Variants in FAM131A observed in about 807,000 individuals in gnomAD.
FAM131A encodes protein FAM131A.
FAM131A carries 24 observed loss-of-function variants against 39.2 expected under a neutral mutation model. That is an observed-to-expected ratio of 0.61 (90% confidence interval 0.44 to 0.86). The LOEUF (loss-of-function observed/expected upper bound fraction) is 0.86. Among genes scored for constraint, FAM131A ranks in the 40% least tolerant of loss-of-function variants. The pLI is 0.00. For missense variants in FAM131A, 373 were observed against 481.2 expected, an observed-to-expected ratio of 0.78 and a Z score of 2.10; for synonymous variants, 202 against 206.8, an observed-to-expected ratio of 0.98 and a Z score of 0.20.
At position 184,342,131 on chromosome 3, in the gene FAM131A, C is replaced by G; in HGVS notation, c.391C>G (p.His131Asp). ...CGCCATGGCCCAGGGCCGAGTGGCT[C>G]ACCTCATTGAGTGGAAGGGCTGGAG... The part of the protein sequence containing the change: ...PTAMAQGRVA[H>D]LIEWKGWSKP... The change falls in exon 4 of 6, where the codon CAC becomes GAC. Residue 131 changes from histidine (H) to aspartate (D), a missense_variant. Transcript: ENST00000383847. The surrounding 1 kb of genome is among the most constrained non-coding windows in gnomAD (Gnocchi z 4.6). 1 of 1,614,228 alleles carries G rather than the reference C, an allele frequency of 6.2e-7. No individual in the cohort carries two copies. The highest frequency in any genetic ancestry group is 8.5e-7 in the Non-Finnish European group (1 of 1,180,048).
Position 184,342,133 on chromosome 3 carries a change from C to T in FAM131A, c.393C>T (p.His131=), listed in dbSNP as rs770553700. ...PTAMAQGRVA[H]LIEWKGWSKP... ...CCATGGCCCAGGGCCGAGTGGCTCA[C>T]CTCATTGAGTGGAAGGGCTGGAGCA... Residue 131 remains histidine (H), a synonymous_variant, in exon 4 of 6, where the codon CAC becomes CAT. Transcript: ENST00000383847. This position sits in a 1 kb window ranked among gnomAD's most constrained non-coding sequence, Gnocchi z 4.6. 1 of 1,614,224 alleles carries T rather than the reference C, an allele frequency of 6.2e-7. No homozygotes were observed. Among genetic ancestry groups the T allele is most frequent in the East Asian group, 2.2e-5 (1 of 44,888 alleles).
At position 184,344,723 on chromosome 3, in the gene FAM131A, T is replaced by C. The variant is rs1352996316; in HGVS notation, c.854T>C (p.Leu285Pro). The change falls in exon 6 of 6, where the codon CTG becomes CCG. Residue 285 changes from leucine (L) to proline (P), a missense_variant. Around this residue, in one of 2 missense-constraint regions of FAM131A, gnomAD observed 152 missense variants for 133.5 expected, o/e 1.14. Coordinates refer to ENST00000383847, the MANE Select transcript of FAM131A (RefSeq NM_144635.5). ...GGCGATGAGCTGCTTCTCGCCAAAC[T>C]GCCCCCCAGCCGGGAAAGTGCCTTC... ...LLGDELLLAK[L>P]PPSRESAFRS... The C allele has an allele frequency of 6.2e-7, 1 of 1,612,390 alleles. No individual in the cohort carries two copies. Among genetic ancestry groups the C allele is most frequent in the Non-Finnish European group, 8.5e-7 (1 of 1,179,972 alleles).
chr3:184,340,584 C>G (rs1318760889), intron 2 of FAM131A: 3 of 152,100 alleles, frequency 2.0e-5, no homozygotes, highest in African/African-American at 7.3e-5. Flanking sequence ...CTCGGCCTCC[C>G]AAAGTGCTGG....
intron 2 of FAM131A, 190 bp from the exon 3 acceptor site, chr3:184,341,534 G>A (rs1298198274): frequency 1.7e-6 from 1 of 603,614 alleles, no homozygotes; most frequent in African/African-American, 1.9e-5. Flanking sequence ...AATCTCCATT[G>A]CTTTCTGGGA....
At position 184,345,284 on chromosome 3, in the gene FAM131A, T is replaced by A. The variant is rs1727589010; in HGVS notation, c.*314T>A. Reference sequence around the variant, plus strand: ...GCCACACACACATTTCCTCCTCGGATAATGTGAACCACTAAGGGGGTTGTG... The same window carrying A: ...GCCACACACACATTTCCTCCTCGGAAAATGTGAACCACTAAGGGGGTTGTG... On this transcript the variant is annotated 3_prime_UTR_variant, in exon 6 of 6. Transcript: ENST00000383847. 7.0e-6 allele frequency: 4 copies of A among 569,350 alleles called. No homozygotes were observed. Among genetic ancestry groups the A allele is most frequent in the Non-Finnish European group, 9.2e-6 (3 of 325,408 alleles). The allele number at this position is 569,350 out of a possible 1,614,324, so 35.3% of individuals were successfully genotyped here.
rs1164536998 is a variant in FAM131A, at chr3:184,345,315, G to T, written c.*345G>T. The T allele has an allele frequency of 6.8e-6, 4 of 588,244 alleles. No homozygotes were observed. Among genetic ancestry groups the T allele is most frequent in the Non-Finnish European group, 9.0e-6 (3 of 333,946 alleles). The allele number at this position is 588,244 out of a possible 1,614,324, so 36.4% of individuals were successfully genotyped here. A position where few individuals can be genotyped will look rare whatever the true frequency, so the allele number is the denominator to read the frequency against. On this transcript the variant is annotated 3_prime_UTR_variant, in exon 6 of 6. Coordinates refer to ENST00000383847, the MANE Select transcript of FAM131A (RefSeq NM_144635.5). ...GAACCACTAAGGGGGTTGTGACTGG[G>T]CTGTGTGAGGGTGGGGTGGGAGGGG...
At chr3:184,339,955 T>G (rs1727300436) in intron 2 of FAM131A, 1 of 152,352 alleles carries the variant, frequency 6.6e-6, no homozygotes, top group Non-Finnish European at 1.5e-5. Context: ...GAAAACTGTT[T>G]ACATTATATC....
At chr3:184,338,635 C>A (rs1431223722) in intron 2 of FAM131A, 106 bp downstream of exon 2, 4 of 1,428,888 alleles carry the variant, frequency 2.8e-6, no homozygotes, top group Non-Finnish European at 9.3e-7. Context: ...CCTTTTCCGG[C>A]GGGCGGAGGC....
chr3:184,341,910 G>A (rs1304520956), intron 3 of FAM131A, 93 bp downstream of exon 3: 1 of 1,516,672 alleles, frequency 6.6e-7, no homozygotes, highest in Non-Finnish European at 9.2e-7. Flanking sequence ...TACATGCTGG[G>A]GTCTCCCCTT....
rs558182370 is a variant in FAM131A at position 184,345,512 on chromosome 3, G to T, written c.*542G>T. ...CAAGGGCCCCTGCCCAGCTGGGCTC[G>T]TGCTGTGCTTCATTCACCTCTCCAT... On this transcript the variant is annotated 3_prime_UTR_variant, in exon 6 of 6. Coordinates refer to ENST00000383847, the MANE Select transcript of FAM131A (RefSeq NM_144635.5). The T allele has an allele frequency of 8.5e-6, 6 of 702,942 alleles. No individual in the cohort carries two copies. Among genetic ancestry groups the T allele is most frequent in the Non-Finnish European group, 1.3e-5 (5 of 385,010 alleles). 43.5% of individuals were successfully genotyped at this position (702,942 alleles called of 1,614,324 possible). A position where few individuals can be genotyped will look rare whatever the true frequency, so the allele number is the denominator to read the frequency against.
chr3:184,341,946 G>GC lies in FAM131A; in HGVS notation c.326-116dup, dbSNP rs761753813. Reference sequence around the variant, plus strand: ...TCTTCCCTTGCTCAGGTGAATCTCAGCCCCTTCTCCCACCCAAAGGTTCAC... The same window carrying GC: ...TCTTCCCTTGCTCAGGTGAATCTCAGCCCCCTTCTCCCACCCAAAGGTTCAC... On this transcript the variant is annotated intron_variant, in intron 3 of 5. Transcript: ENST00000383847. 2.7e-6 allele frequency: 4 copies of GC among 1,500,308 alleles called. No homozygotes were observed. The African/African-American group carries it at 4.1e-5, about 16-fold the overall frequency. The allele number at this position is 1,500,308 out of a possible 1,614,324, so 92.9% of individuals were successfully genotyped here.
chr3:184,345,355 C>G lies in FAM131A; in HGVS notation c.*385C>G, dbSNP rs915983564. 7 of 600,948 alleles carry G rather than the reference C, an allele frequency of 1.2e-5. No individual in the cohort carries two copies. The highest frequency in any genetic ancestry group is 3.7e-5 in the African/African-American group (2 of 53,634). 37.2% of individuals were successfully genotyped at this position (600,948 alleles called of 1,614,324 possible). On this transcript the variant is annotated 3_prime_UTR_variant, in exon 6 of 6. Coordinates refer to ENST00000383847, the MANE Select transcript of FAM131A (RefSeq NM_144635.5). ...GGTGGGAGGGGGCCCAGCAACCCCC[C>G]ACCCTCCCCATGCCTCTCTCTTCTC...
chr3:184,342,685 C>G lies in FAM131A; in HGVS notation c.509-59C>G. On this transcript the variant is annotated intron_variant, in intron 4 of 5. Transcript: ENST00000383847. This position sits in a 1 kb window ranked among gnomAD's most constrained non-coding sequence, Gnocchi z 4.6. The stretch of plus-strand genomic sequence containing the variant: ...CCCTGTTTCTCCTCTCTCCTGTCTT[C>G]AAGCTGAGCCCTAGACTTAGCTCAC... 6.8e-7 allele frequency: 1 copy of G among 1,474,994 alleles called. No homozygotes were observed. Among genetic ancestry groups the G allele is most frequent in the Non-Finnish European group, 9.4e-7 (1 of 1,062,480 alleles). The allele number at this position is 1,474,994 out of a possible 1,614,324, so 91.4% of individuals were successfully genotyped here.
Position 184,345,416 on chromosome 3 carries a change from C to G in FAM131A, c.*446C>G. Reference sequence around the variant, plus strand: ...CTCACTTCCGAGTCCATGTGCAGTGCTTGATAGAATCACCCCCACCTGGAG... The same window carrying G: ...CTCACTTCCGAGTCCATGTGCAGTGGTTGATAGAATCACCCCCACCTGGAG... On this transcript the variant is annotated 3_prime_UTR_variant, in exon 6 of 6. Transcript: ENST00000383847. 1 of 668,516 alleles carries G rather than the reference C, an allele frequency of 1.5e-6. No homozygotes were observed. The highest frequency in any genetic ancestry group is 2.7e-6 in the Non-Finnish European group (1 of 373,836). The allele number at this position is 668,516 out of a possible 1,614,324, so 41.4% of individuals were successfully genotyped here. A position where few individuals can be genotyped will look rare whatever the true frequency, so the allele number is the denominator to read the frequency against.
Position 184,345,079 on chromosome 3 carries a change from G to C in FAM131A, c.*109G>C. The C allele has an allele frequency of 1.8e-6, 2 of 1,081,734 alleles. No individual in the cohort carries two copies. The highest frequency in any genetic ancestry group is 2.6e-6 in the Non-Finnish European group (2 of 778,404). The allele number at this position is 1,081,734 out of a possible 1,614,324, so 67.0% of individuals were successfully genotyped here. A position where few individuals can be genotyped will look rare whatever the true frequency, so the allele number is the denominator to read the frequency against. ...CCCAGCAGAGCTCCACAGCCTAGAG[G>C]GCTCCTGGGAGCGCTCGCTTCTCCG... On this transcript the variant is annotated 3_prime_UTR_variant, in exon 6 of 6. Transcript: ENST00000383847.
chr3:184,338,396 A>G lies in FAM131A; in HGVS notation c.98A>G (p.Asp33Gly). ...TCQTSRRVSS[D>G]PAWAVEWIEL... ...TTCCCCTTCCTCTCAGTGTCCTCGG[A>G]CCCCGCTTGGGCTGTGGAGTGGATC... The change falls in exon 2 of 6, where the codon GAC becomes GGC. Residue 33 changes from aspartate to glycine, a missense_variant. This residue lies in a region of FAM131A where 221 missense variants were observed against 347.7 expected (regional missense o/e 0.64). Transcript: ENST00000383847. 2.1e-6 allele frequency: 3 copies of G among 1,447,492 alleles called. No homozygotes were observed. Among genetic ancestry groups the G allele is most frequent in the South Asian group, 2.8e-5 (2 of 70,188 alleles). The allele number at this position is 1,447,492 out of a possible 1,614,324, so 89.7% of individuals were successfully genotyped here.
chr3:184,337,550 C>A, upstream of FAM131A: 12 of 1,356,840 alleles, frequency 8.8e-6, no homozygotes, highest in South Asian at 6.3e-5. Flanking sequence ...GCTCAGCATC[C>A]GGAGCCAAAA....
chr3:184,338,792 T>G, intron 2 of FAM131A: 3 of 436,252 alleles, frequency 6.9e-6, no homozygotes, highest in Non-Finnish European at 8.2e-6. Flanking sequence ...TGGTGATGGG[T>G]TGCCAGGGAG....
At position 184,344,640 on chromosome 3, in the gene FAM131A, G is replaced by T. The variant is rs1440789973; in HGVS notation, c.771G>T (p.Leu257=). ...TVSPDTLCSS[L]CSLEDGLLGS... Reference sequence around the variant, plus strand: ...CCCCAGACACCCTGTGCTCTAGTCTGTGCAGCCTGGAGGATGGGTTGTTGG... The same window carrying T: ...CCCCAGACACCCTGTGCTCTAGTCTTTGCAGCCTGGAGGATGGGTTGTTGG... Residue 257 remains leucine (L), a synonymous_variant, in exon 6 of 6, where the codon CTG becomes CTT. Transcript: ENST00000383847. 1.2e-6 allele frequency: 2 copies of T among 1,612,920 alleles called. No individual in the cohort carries two copies. Among genetic ancestry groups the T allele is most frequent in the South Asian group, 2.2e-5 (2 of 91,068 alleles).
Sources: gnomAD v4.1 joint callset for allele counts on GRCh38, gnomAD v4.1.1 for gene constraint, gnomAD v4.1.1 regional missense constraint, Gnocchi (gnomAD v3.1) non-coding constraint, MANE v1.5 for transcripts, NCBI Gene and HGNC (gene_info 2026-07-23, HGNC 2026-07-21) for gene names.